The following PLEKHA7 variants were observed in gnomAD, a reference collection of about 807,000 sequenced individuals.
PLEKHA7 encodes pleckstrin homology domain-containing family A member 7.
Under a neutral mutation model 170.0 loss-of-function variants are expected in PLEKHA7, and 104 were observed. The observed-to-expected ratio is 0.61, with a 90% CI of 0.52 to 0.72. The LOEUF is 0.72. PLEKHA7 is among the 30% of genes least tolerant of loss of function. PLEKHA7 has a pLI of 0.00. For synonymous variants in PLEKHA7, 648 were observed against 660.8 expected (o/e 0.98, Z 0.30); for missense variants, 1,615 against 1,671.7 (o/e 0.97, Z 0.59).
intron 3 of PLEKHA7, among the ~76,000 whole-genome samples, chr11:16,914,667 G>C (rs915752729): frequency 1.1e-4 from 17 of 152,284 alleles, no homozygotes; most frequent in African/African-American, 4.1e-4. Flanking sequence ...TTAACCCCGG[G>C]AAATACTAAA....
At chr11:16,815,182 G>A (rs1849659859) in intron 12 of PLEKHA7, 1 of 152,812 alleles carries the variant, frequency 6.5e-6, no homozygotes, top group African/African-American at 2.4e-5. Context: ...GACCTGGCAG[G>A]TGGGAAAGGT....
rs569105866 is a variant in PLEKHA7, at chr11:16,785,361, C to T, written c.3516+868G>A. Among the ~76,000 whole-genome samples the T allele has an allele frequency of 7.9e-5, 12 of 152,346 alleles. No homozygotes were observed. The South Asian group carries it at 2.3e-3, about 29-fold the overall frequency. On this transcript the variant is annotated intron_variant, in intron 24 of 26. Coordinates refer to ENST00000531066, the MANE Select transcript of PLEKHA7 (RefSeq NM_001329630.2). ...TGTGCAGTTTCCAGGCAGGCCAAGT[C>T]CTTGTACAAATGCTTTTGGTACATT...
intron 3 of PLEKHA7, among the ~76,000 whole-genome samples, chr11:16,980,606 T>C (rs1476599635): frequency 1.3e-5 from 2 of 152,054 alleles, no homozygotes; most frequent in African/African-American, 4.8e-5. Flanking sequence ...TTGGTTTGGT[T>C]TGGGGGGGAT....
At chr11:16,896,551 A>G (rs1250001919) in intron 3 of PLEKHA7, among the ~76,000 whole-genome samples, 1 of 152,034 alleles carries the variant, frequency 6.6e-6, no homozygotes, top group Non-Finnish European at 1.5e-5. Context: ...CCCCACAGCC[A>G]CTCAGTAGAA....
intron 23 of PLEKHA7, chr11:16,788,721 T>C: frequency 3.2e-6 from 1 of 308,404 alleles, no homozygotes; most frequent in Non-Finnish European, 6.2e-6. Context: ...ATCAGTTTGC[T>C]TGTGCTTCTA....
chr11:16,913,275 C>T (rs1858386901), intron 3 of PLEKHA7, among the ~76,000 whole-genome samples: 2 of 152,188 alleles, frequency 1.3e-5, no homozygotes, highest in Admixed American at 1.3e-4. Context: ...ATCTGATAGA[C>T]CCACAGCATC....
intron 3 of PLEKHA7, among the ~76,000 whole-genome samples, chr11:17,000,270 T>G (rs1482412225): frequency 2.0e-5 from 3 of 152,024 alleles, no homozygotes; most frequent in Non-Finnish European, 4.4e-5. Context: ...GTTTTTGTAT[T>G]TTTAGTAGAG....
chr11:16,791,393 T>A lies in PLEKHA7; in HGVS notation c.2746-194A>T, dbSNP rs1847845465. ...AGAAGGGACATGCTCTGCTCCTCTA[T>A]CCCCTCAGAGGTATACAGTTTCTAT... On this transcript the variant is annotated intron_variant, in intron 19 of 26. Coordinates refer to ENST00000531066, the MANE Select transcript of PLEKHA7 (RefSeq NM_001329630.2). The surrounding 1 kb of genome is among the most constrained non-coding windows in gnomAD (Gnocchi z 4.5). 1.6e-6 allele frequency: 1 copy of A among 616,758 alleles called. No individual in the cohort carries two copies. The highest frequency in any genetic ancestry group is 2.8e-5 in the Admixed American group (1 of 35,806). The allele number at this position is 616,758 out of a possible 1,614,324, so 38.2% of individuals were successfully genotyped here. A position where few individuals can be genotyped will look rare whatever the true frequency, so the allele number is the denominator to read the frequency against.
chr11:16,847,641 C>T (rs998175335), intron 8 of PLEKHA7, among the ~76,000 whole-genome samples: 5 of 151,868 alleles, frequency 3.3e-5, no homozygotes, highest in African/African-American at 1.2e-4. Context: ...ACCAGCCTGG[C>T]CAACATGGTG....
At position 16,924,698 on chromosome 11, in the gene PLEKHA7, A is replaced by G. The variant is rs567114203; in HGVS notation, c.222-53516T>C. ...GGGGAATGCCCTTATCCTTCTAGGG[A>G]AATAGACTGCAACACCTTGGGCTTA... On this transcript the variant is annotated intron_variant, in intron 3 of 26. Coordinates refer to ENST00000531066, the MANE Select transcript of PLEKHA7 (RefSeq NM_001329630.2). Among the ~76,000 whole-genome samples, 28 of 152,228 alleles carry G rather than the reference A, an allele frequency of 1.8e-4. 1 individual carries two copies. In the South Asian group the frequency reaches 5.6e-3, roughly 30 times the overall value.
intron 13 of PLEKHA7, among the ~76,000 whole-genome samples, chr11:16,809,491 C>T (rs1849215573): frequency 6.6e-6 from 1 of 152,182 alleles, no homozygotes; most frequent in Non-Finnish European, 1.5e-5. Context: ...CAGGGGGGAC[C>T]TCTCATAAGC....
intron 3 of PLEKHA7, among the ~76,000 whole-genome samples, chr11:16,974,234 T>TC (rs1240458710): frequency 9.6e-5 from 14 of 146,060 alleles, no homozygotes; most frequent in African/African-American, 3.5e-4. Flanking sequence ...GCCACCACAC[T>TC]CCAGCCTGGG....
chr11:16,794,780 G>A (rs1848103800), intron 18 of PLEKHA7, 66 bp from the exon 19 acceptor site: 3 of 1,559,870 alleles, frequency 1.9e-6, no homozygotes, highest in African/African-American at 1.4e-5. Flanking sequence ...GAGGATGAGT[G>A]GAGTAATTTA....
At chr11:16,905,474 T>G (rs933617483) in intron 3 of PLEKHA7, among the ~76,000 whole-genome samples, 24 of 152,238 alleles carry the variant, frequency 1.6e-4, no homozygotes, top group African/African-American at 5.8e-4. Flanking sequence ...AAACTGTATA[T>G]CAGGCAATTT....
At chr11:16,892,619 C>CTTTTTTTTTTTTTTTTT (rs10674972) in intron 3 of PLEKHA7, among the ~76,000 whole-genome samples, 1 of 82,414 alleles carries the variant, frequency 1.2e-5, no homozygotes, top group African/African-American at 5.2e-5. Context: ...CTTCCAGCTT[C>CTTTTTTTTTTTTTTTTT]TTTTTTTTTT....
intron 3 of PLEKHA7, among the ~76,000 whole-genome samples, chr11:16,916,689 A>G (rs1858710757): frequency 6.6e-6 from 1 of 152,176 alleles, no homozygotes; most frequent in African/African-American, 2.4e-5. Flanking sequence ...AGCCACAGAG[A>G]CTGCACCAAT....
chr11:16,818,422 T>C (rs961182507), intron 10 of PLEKHA7, among the ~76,000 whole-genome samples: 2 of 152,260 alleles, frequency 1.3e-5, no homozygotes, highest in Admixed American at 6.5e-5. Flanking sequence ...TCCCCCTGCC[T>C]GGATGGTCTC....
intron 3 of PLEKHA7, among the ~76,000 whole-genome samples, chr11:17,004,278 C>T (rs568740313): frequency 1.2e-4 from 19 of 152,270 alleles, no homozygotes; most frequent in African/African-American, 4.1e-4. Flanking sequence ...TGCCATTAGA[C>T]CTATGGCTGA....
At chr11:16,925,917 G>C (rs10832701) in intron 3 of PLEKHA7, among the ~76,000 whole-genome samples, 44,572 of 152,222 alleles carry the variant, frequency 0.29, 8,269 homozygotes, top group East Asian at 0.64. Context: ...GCTGAGGAGG[G>C]GGAGGGAAAA....
Sources: gnomAD v4.1 joint callset for allele counts (sites outside exome capture counted in the v4.1 genomes callset) on GRCh38, gnomAD v4.1.1 for gene constraint, Gnocchi (gnomAD v3.1) non-coding constraint, MANE v1.5 for transcripts, NCBI Gene and HGNC (gene_info 2026-07-23, HGNC 2026-07-21) for gene names.